Variants in ASPDH observed in about 807,000 individuals in gnomAD.
The protein encoded by ASPDH is aspartate dehydrogenase domain-containing protein.
A neutral mutation model predicts 30.5 loss-of-function variants in ASPDH; 25 were observed. That is an observed-to-expected ratio of 0.82 (90% CI 0.60 to 1.14). The LOEUF (loss-of-function observed/expected upper bound fraction) is 1.14, where lower values mean the gene tolerates loss of function less well. Ranked by LOEUF, ASPDH falls within the 50% of genes most tolerant of loss-of-function variation. The pLI, the probability that ASPDH is intolerant of heterozygous loss-of-function variation, is 0.00. For synonymous variants in ASPDH, 168 were observed against 156.3 expected (o/e 1.07, Z -0.56); for missense variants, 401 against 381.5 (o/e 1.05, Z -0.43).
At chr19:50,514,666 C>T (rs377565692), upstream of ASPDH, 104 of 1,554,234 alleles carry the variant, frequency 6.7e-5, no homozygotes, top group South Asian at 4.7e-5. Context: ...TGCCTGGCAT[C>T]GGAAATGGCG....
chr19:50,511,682 T>G lies in ASPDH; in HGVS notation c.*48A>C, dbSNP rs1979890117. On this transcript the variant is annotated 3_prime_UTR_variant, in exon 7 of 7. Coordinates refer to ENST00000389208, the MANE Select transcript of ASPDH (RefSeq NM_001114598.2). Reference sequence around the variant, plus strand: ...GGGCAGGGCAGGGGTGGGATGGTGGTGGTGAGAGGCCAGGCAGATGATCTT... The same window carrying G: ...GGGCAGGGCAGGGGTGGGATGGTGGGGGTGAGAGGCCAGGCAGATGATCTT... 2.5e-6 allele frequency: 3 copies of G among 1,199,370 alleles called. No homozygotes were observed. Among genetic ancestry groups the G allele is most frequent in the South Asian group, 3.2e-5 (1 of 31,050 alleles). The allele number at this position is 1,199,370 out of a possible 1,614,324, so 74.3% of individuals were successfully genotyped here. A position where few individuals can be genotyped will look rare whatever the true frequency, so the allele number is the denominator to read the frequency against.
At position 50,512,985 on chromosome 19, in the gene ASPDH, GCCACTT is replaced by G. The variant is rs778774144; in HGVS notation, c.218_223del (p.Glu73_Val74del). 6.2e-7 allele frequency: 1 copy of G among 1,613,682 alleles called. No individual in the cohort carries two copies. The highest frequency in any genetic ancestry group is 1.7e-5 in the Admixed American group (1 of 59,952). On this transcript the variant is annotated inframe_deletion, in exon 3 of 7. Transcript: ENST00000389208. ...AGATTCATGGATTATTTTGGGATGG[GCCACTT>G]CCACAACCAGATCAGGGCGCCTGGG... is the stretch of plus-strand genomic sequence containing the variant.
intron 5 of ASPDH, 29 bp downstream of exon 5, chr19:50,512,331 A>C: frequency 6.2e-7 from 1 of 1,613,926 alleles, no homozygotes; most frequent in Non-Finnish European, 8.5e-7. Flanking sequence ...GCCTGGACTC[A>C]GCCCAACACC....
upstream of ASPDH, chr19:50,514,604 C>CT: frequency 6.2e-6 from 10 of 1,608,564 alleles, no homozygotes; most frequent in Non-Finnish European, 7.6e-6. Flanking sequence ...CCTTCGAGGC[C>CT]TGGAGAGGCC....
In ASPDH at chr19:50,513,718, G is replaced by T; in HGVS notation, c.52+54C>A. 7.5e-7 allele frequency: 1 copy of T among 1,329,490 alleles called. No individual in the cohort carries two copies. Among genetic ancestry groups the T allele is most frequent in the Non-Finnish European group, 1.1e-6 (1 of 948,090 alleles). 82.4% of individuals were successfully genotyped at this position (1,329,490 alleles called of 1,614,324 possible). ...GTGTTTGTGGAGGGCAGAGAGTCTT[G>T]GGAGCTTTAGGAAGGGGTTTGGGGA... On this transcript the variant is annotated intron_variant, in intron 1 of 6. Transcript: ENST00000389208. This position sits in a 1 kb window ranked among gnomAD's most constrained non-coding sequence, Gnocchi z 4.9.
upstream of ASPDH, chr19:50,514,895 C>T (rs1183011298): frequency 4.1e-6 from 4 of 985,274 alleles, no homozygotes; most frequent in Non-Finnish European, 4.8e-6. Flanking sequence ...GCCAAGACCC[C>T]GACGTGGCAC....
At position 50,513,729 on chromosome 19, in the gene ASPDH, G is replaced by A. The variant is rs549312958; in HGVS notation, c.52+43C>T. ...GGGCAGAGAGTCTTGGGAGCTTTAG[G>A]AAGGGGTTTGGGGAAGGAGGCCAAG... On this transcript the variant is annotated intron_variant, in intron 1 of 6. Coordinates refer to ENST00000389208, the MANE Select transcript of ASPDH (RefSeq NM_001114598.2). The surrounding 1 kb of genome is among the most constrained non-coding windows in gnomAD (Gnocchi z 4.9). The A allele has an allele frequency of 2.8e-4, 395 of 1,411,486 alleles. 8 individuals carry two copies. The South Asian group carries it at 3.9e-3, about 14-fold the overall frequency. 87.4% of individuals were successfully genotyped at this position (1,411,486 alleles called of 1,614,324 possible).
At chr19:50,512,022 G>A in intron 6 of ASPDH, 114 bp downstream of exon 6, 2 of 991,664 alleles carry the variant, frequency 2.0e-6, no homozygotes, top group East Asian at 2.6e-5. Context: ...AGGTCAGAAA[G>A]AAAGAAAGGT....
At chr19:50,514,032 CCAGCA>C, upstream of ASPDH, 1 of 623,918 alleles carries the variant, frequency 1.6e-6, no homozygotes, top group African/African-American at 1.8e-5. Context: ...TTTCCCGGGT[CCAGCA>C]CAGTGAGCAT....
chr19:50,513,041 T>G lies in ASPDH; in HGVS notation c.198-30A>C. The G allele has an allele frequency of 6.3e-7, 1 of 1,578,388 alleles. No homozygotes were observed. The highest frequency in any genetic ancestry group is 1.3e-5 in the African/African-American group (1 of 74,244). On this transcript the variant is annotated intron_variant, in intron 2 of 6. Transcript: ENST00000389208. The surrounding 1 kb of genome is among the most constrained non-coding windows in gnomAD (Gnocchi z 4.9). Reference sequence around the variant, plus strand: ...GAGAGGGGAAAGAGGGCGGAGGGTCTTGGAGAGGTATTAGGCCTCTTCTCC... The same window carrying G: ...GAGAGGGGAAAGAGGGCGGAGGGTCGTGGAGAGGTATTAGGCCTCTTCTCC...
At chr19:50,515,030 G>A (rs867832807), upstream of ASPDH, 18 of 985,104 alleles carry the variant, frequency 1.8e-5, no homozygotes, top group Middle Eastern at 1.5e-3. Context: ...GGCACCTCAC[G>A]GAAGTGGGGG....
Position 50,513,802 on chromosome 19 carries a change from T to A in ASPDH, c.22A>T (p.Arg8Trp), listed in dbSNP as rs1030555372. The A allele has an allele frequency of 6.4e-6, 10 of 1,550,536 alleles. No homozygotes were observed. In the African/African-American group the frequency reaches 1.4e-4, roughly 21 times the overall value. The change falls in exon 1 of 7, where the codon AGG becomes TGG. Residue 8 changes from arginine (R) to tryptophan (W), a missense_variant. Arg to Trp is a moderately radical substitution (Grantham distance 101). Transcript: ENST00000389208. The surrounding 1 kb of genome is among the most constrained non-coding windows in gnomAD (Gnocchi z 4.9). ...CGGCCATAGCCCACCACGCCCACCC[T>A]CCACGGGCCCCTGTCGGCCATGGCC... is the stretch of plus-strand genomic sequence containing the variant. Reference protein sequence around the residue: MADRGPWRVGVVGYGRLG... With the variant: MADRGPWWVGVVGYGRLG...
upstream of ASPDH, chr19:50,514,817 G>A: frequency 2.1e-6 from 1 of 466,786 alleles, no homozygotes; most frequent in Non-Finnish European, 3.3e-6. Flanking sequence ...GGGGGGGCGG[G>A]CACTGGGTGG....
chr19:50,513,698 T>A lies in ASPDH; in HGVS notation c.52+74A>T. 8.6e-7 allele frequency: 1 copy of A among 1,168,948 alleles called. No homozygotes were observed. Among genetic ancestry groups the A allele is most frequent in the Non-Finnish European group, 1.2e-6 (1 of 808,008 alleles). 72.4% of individuals were successfully genotyped at this position (1,168,948 alleles called of 1,614,324 possible). On this transcript the variant is annotated intron_variant, in intron 1 of 6. Transcript: ENST00000389208. This position sits in a 1 kb window ranked among gnomAD's most constrained non-coding sequence, Gnocchi z 4.9. ...GCAGATAGAGAGAGAAAAAAGTGTT[T>A]GTGGAGGGCAGAGAGTCTTGGGAGC... is the stretch of plus-strand genomic sequence containing the variant.
At chr19:50,513,917 C>A, upstream of ASPDH, 1 of 1,442,514 alleles carries the variant, frequency 6.9e-7, no homozygotes, top group Non-Finnish European at 9.3e-7. This position sits in a 1 kb window ranked among gnomAD's most constrained non-coding sequence, Gnocchi z 4.9. Flanking sequence ...GACATCTGAC[C>A]CTTGAGCCTC....
chr19:50,511,807 A>G, intron 6 of ASPDH, 34 bp from the exon 7 acceptor site: 1 of 1,205,720 alleles, frequency 8.3e-7, no homozygotes, highest in Non-Finnish European at 1.0e-6. Flanking sequence ...AATGAGACAG[A>G]GGAGAGATGA....
At chr19:50,514,817 G>GGGGGGCCC, upstream of ASPDH, 1 of 466,618 alleles carries the variant, frequency 2.1e-6, no homozygotes, top group Non-Finnish European at 3.3e-6. Context: ...GGGGGGGCGG[G>GGGGGGCCC]CACTGGGTGG....
chr19:50,514,702 G>C (rs1601362057), upstream of ASPDH: 22 of 1,366,444 alleles, frequency 1.6e-5, no homozygotes, highest in Non-Finnish European at 2.0e-5. Context: ...CAGGCTCCCT[G>C]CCCCCAGCCA....
chr19:50,513,330 T>C lies in ASPDH; in HGVS notation c.139A>G (p.Met47Val), dbSNP rs1047784331. The C allele has an allele frequency of 6.5e-7, 1 of 1,539,544 alleles. No homozygotes were observed. The highest frequency in any genetic ancestry group is 8.8e-7 in the Non-Finnish European group (1 of 1,141,810). Reference protein sequence around the residue: ...VFVWNRDPGRMAGSVPPSLQL... With the variant: ...VFVWNRDPGRVAGSVPPSLQL... ...AGGGAAGGGGGCACGCTCCCTGCCA[T>C]TCGTCCTGGGTCACGATTCCAGACA... is the stretch of plus-strand genomic sequence containing the variant. Residue 47 changes from methionine (M) to valine (V), a missense_variant, in exon 2 of 7, where the codon ATG becomes GTG. Coordinates refer to ENST00000389208, the MANE Select transcript of ASPDH (RefSeq NM_001114598.2). The surrounding 1 kb of genome is among the most constrained non-coding windows in gnomAD (Gnocchi z 4.9).
Sources: gnomAD v4.1 joint callset for allele counts on GRCh38, gnomAD v4.1.1 for gene constraint, Gnocchi (gnomAD v3.1) non-coding constraint, MANE v1.5 for transcripts, NCBI Gene and HGNC (gene_info 2026-07-23, HGNC 2026-07-21) for gene names.